Variants in PKHD1 observed in about 807,000 individuals in gnomAD.
PKHD1 encodes the protein fibrocystin.
In PKHD1, 291 loss-of-function variants were observed where a neutral mutation model predicts 412.0. That is an observed-to-expected ratio of 0.71 (90% CI 0.64 to 0.78). The LOEUF (loss-of-function observed/expected upper bound fraction) is 0.78. PKHD1 is among the 30% of genes least tolerant of loss of function. PKHD1 has a pLI of 0.00. For missense variants in PKHD1, 4,825 were observed against 4,950.7 expected (o/e 0.97, Z 0.76); for synonymous variants, 1,777 against 1,821.5 (o/e 0.98, Z 0.62).
intron 48 of PKHD1, among the ~76,000 whole-genome samples, chr6:51,857,352 T>G (rs768913020): frequency 1.3e-5 from 2 of 152,184 alleles, no homozygotes; most frequent in Admixed American, 6.5e-5. Context: ...AAGAGGACAT[T>G]GGGTTTTCAC....
Position 51,753,203 on chromosome 6 carries a change from G to A in PKHD1, c.8948C>T (p.Ser2983Leu), listed in dbSNP as rs141169758. 1.9e-6 allele frequency: 3 copies of A among 1,613,356 alleles called. No homozygotes were observed. Among genetic ancestry groups the A allele is most frequent in the African/African-American group, 2.7e-5 (2 of 74,866 alleles). The change falls in exon 57 of 67, where the codon TCA (serine) becomes TTA (leucine). Residue 2983 changes from serine to leucine, a missense_variant and splice_region_variant. Physicochemically the swap from Ser to Leu is moderately radical, Grantham distance 145. Transcript: ENST00000371117. ...CAATTACTTAAAATTTCATTTACCTGAAAATTCTTCTCGGCTGGACTTCCT... is the reference window on the plus strand; with the variant it reads ...CAATTACTTAAAATTTCATTTACCTAAAAATTCTTCTCGGCTGGACTTCCT... Reference protein sequence around the residue: ...SFRKSSREEFSGVLQLLNVEI... With the variant: ...SFRKSSREEFLGVLQLLNVEI...
chr6:51,847,703 G>A lies in PKHD1; in HGVS notation c.8107+72C>T, dbSNP rs573300213. On this transcript the variant is annotated intron_variant, in intron 50 of 66. Transcript: ENST00000371117. ...TTCCTCAGCACTTCACAGCACAAAT[G>A]TCTGGAATTGAAGGGTGATTGGTGA... The A allele has an allele frequency of 6.9e-5, 75 of 1,090,772 alleles. No individual in the cohort carries two copies. The African/African-American group carries it at 1.1e-3, about 16-fold the overall frequency. 67.6% of individuals were successfully genotyped at this position (1,090,772 alleles called of 1,614,324 possible).
intron 33 of PKHD1, among the ~76,000 whole-genome samples, chr6:52,018,070 T>C (rs1188194564): frequency 6.6e-6 from 1 of 152,236 alleles, no homozygotes; most frequent in Non-Finnish European, 1.5e-5. Flanking sequence ...TGGGTCTGAT[T>C]TTTTCATTCC....
At chr6:51,982,110 C>T in intron 35 of PKHD1, among the ~76,000 whole-genome samples, 1 of 62,568 alleles carries the variant, frequency 1.6e-5, no homozygotes, top group South Asian at 6.0e-4. Flanking sequence ...GTGAGGAGCC[C>T]CTCCGTCCGG....
In PKHD1 at chr6:52,053,981, A is replaced by G. The variant is rs921067889; in HGVS notation, c.1964+57T>C. On this transcript the variant is annotated intron_variant, in intron 20 of 66. Coordinates refer to ENST00000371117, the MANE Select transcript of PKHD1 (RefSeq NM_138694.4). ...CCTGAGGTGGGTAACTGTCCCCAAAACAGTGAATCCTCCCAGCTGACTGAA... is the reference window on the plus strand; with the variant it reads ...CCTGAGGTGGGTAACTGTCCCCAAAGCAGTGAATCCTCCCAGCTGACTGAA... 6.3e-6 allele frequency: 10 copies of G among 1,598,988 alleles called. No individual in the cohort carries two copies. In the African/African-American group the frequency reaches 1.3e-4, roughly 21 times the overall value.
chr6:51,640,333 G>T lies in PKHD1; in HGVS notation c.11399-1377C>A, dbSNP rs1371818252. On this transcript the variant is annotated intron_variant, in intron 63 of 66. Coordinates refer to ENST00000371117, the MANE Select transcript of PKHD1 (RefSeq NM_138694.4). ...ATGGAAAGTGCTTTAGTTCTAAATG[G>T]GTTTGCTTTTGCGTTAAATACCAGC... Among the ~76,000 whole-genome samples, 3 of 152,128 alleles carry T rather than the reference G, an allele frequency of 2.0e-5. No homozygotes were observed. In the East Asian group the frequency reaches 5.8e-4, roughly 29 times the overall value.
intron 30 of PKHD1, 102 bp from the exon 31 acceptor site, chr6:52,027,998 C>G: frequency 8.6e-7 from 1 of 1,164,022 alleles, no homozygotes; most frequent in Non-Finnish European, 1.3e-6. Flanking sequence ...AGCAAACTGT[C>G]TGTAAGTTCT....
chr6:51,683,303 C>T (rs1776949411), intron 60 of PKHD1, among the ~76,000 whole-genome samples: 1 of 151,948 alleles, frequency 6.6e-6, no homozygotes, highest in African/African-American at 2.4e-5. Context: ...GAAAACATAA[C>T]TAGATTACAG....
intron 35 of PKHD1, among the ~76,000 whole-genome samples, chr6:51,987,128 GC>G (rs1339053795): frequency 6.6e-6 from 1 of 152,214 alleles, no homozygotes; most frequent in East Asian, 1.9e-4. Flanking sequence ...GGCTGAGAGA[GC>G]CCTCCAGGGT....
chr6:52,070,394 C>G lies in PKHD1; in HGVS notation c.707+12G>C, dbSNP rs1444928283. Reference sequence around the variant, plus strand: ...AAGACAAATTTGCCTATTTCTATACCCAGTTACTTACTTTCCTTTGTTAAA... The same window carrying G: ...AAGACAAATTTGCCTATTTCTATACGCAGTTACTTACTTTCCTTTGTTAAA... On this transcript the variant is annotated intron_variant, in intron 10 of 66. Transcript: ENST00000371117. The G allele has an allele frequency of 1.3e-6, 2 of 1,572,166 alleles. No individual in the cohort carries two copies. Among genetic ancestry groups the G allele is most frequent in the Non-Finnish European group, 1.8e-6 (2 of 1,142,308 alleles).
intron 52 of PKHD1, among the ~76,000 whole-genome samples, chr6:51,821,929 C>T (rs564753515): frequency 8.4e-4 from 128 of 152,256 alleles, no homozygotes; most frequent in African/African-American, 2.9e-3. Flanking sequence ...TCAAGTGATC[C>T]GCCTGCCTCG....
intron 13 of PKHD1, among the ~76,000 whole-genome samples, chr6:52,063,025 A>G (rs1011989797): frequency 6.6e-6 from 1 of 152,172 alleles, no homozygotes; most frequent in Non-Finnish European, 1.5e-5. Flanking sequence ...TCCCAAAGCC[A>G]GAAGTGGGCT....
At chr6:51,672,464 G>T (rs1208276184) in intron 60 of PKHD1, among the ~76,000 whole-genome samples, 1 of 152,164 alleles carries the variant, frequency 6.6e-6, no homozygotes, top group African/African-American at 2.4e-5. Flanking sequence ...ACATAGCTGA[G>T]ATTTGTTTTG....
At chr6:52,069,863 T>A (rs779854061) in intron 10 of PKHD1, among the ~76,000 whole-genome samples, 11 of 152,144 alleles carry the variant, frequency 7.2e-5, no homozygotes, top group East Asian at 3.9e-4. Flanking sequence ...AGAGAGAAAA[T>A]CTCCATACTT....
intron 48 of PKHD1, among the ~76,000 whole-genome samples, chr6:51,856,631 T>A (rs964798917): frequency 6.6e-6 from 1 of 152,202 alleles, no homozygotes; most frequent in Non-Finnish European, 1.5e-5. Context: ...CTCTCAGAAG[T>A]CCTGCTCAAA....
At chr6:51,906,564 A>G (rs1295804089) in intron 40 of PKHD1, among the ~76,000 whole-genome samples, 3 of 152,160 alleles carry the variant, frequency 2.0e-5, no homozygotes, top group Non-Finnish European at 4.4e-5. Flanking sequence ...TTAGAAAAAA[A>G]AAAACAATCT....
At chr6:52,028,939 C>T (rs1023595789) in intron 29 of PKHD1, among the ~76,000 whole-genome samples, 4 of 152,232 alleles carry the variant, frequency 2.6e-5, no homozygotes, top group Non-Finnish European at 4.4e-5. Context: ...GTTTGCAGAG[C>T]TAACGGTCTT....
In PKHD1 at chr6:51,659,967, T is replaced by A. The variant is rs750131250; in HGVS notation, c.10159A>T (p.Thr3387Ser). The A allele has an allele frequency of 1.9e-6, 3 of 1,589,456 alleles. No individual in the cohort carries two copies. The Admixed American group carries it at 5.0e-5, about 27-fold the overall frequency. ...GTACATTTCTGTTCTTCTCTAAATG[T>A]ACCTATAAAAGAAAAGAAGCAAAAC... ...EWTASFFNAG[T>S]FREEQKCTYQ... Residue 3387 changes from threonine to serine, a missense_variant and splice_region_variant, in exon 61 of 67, where the codon ACA becomes TCA. Coordinates refer to ENST00000371117, the MANE Select transcript of PKHD1 (RefSeq NM_138694.4).
intron 35 of PKHD1, among the ~76,000 whole-genome samples, chr6:51,982,192 G>C (rs867634112): frequency 4.7e-4 from 8 of 17,008 alleles, no homozygotes; most frequent in Non-Finnish European, 6.5e-4. Context: ...AGGTGGGGGG[G>C]TCAGCCCCCC....
Sources: gnomAD v4.1 joint callset for allele counts (sites outside exome capture counted in the v4.1 genomes callset) on GRCh38, gnomAD v4.1.1 for gene constraint, MANE v1.5 for transcripts, NCBI Gene and HGNC (gene_info 2026-07-23, HGNC 2026-07-21) for gene names.